The following FOXQ1 variants were observed in gnomAD, a reference collection of about 807,000 sequenced individuals.
The protein encoded by FOXQ1 is forkhead box Q1.
In FOXQ1, 1 loss-of-function variant was observed where a neutral mutation model predicts 0.6. That is an observed-to-expected ratio of 1.73 (90% CI 0.61 to 8.20). The LOEUF (loss-of-function observed/expected upper bound fraction) is 8.20, where lower values mean the gene tolerates loss of function less well. Among genes scored for constraint, FOXQ1 ranks in the 30% most tolerant of loss-of-function variants. The probability of loss-of-function intolerance (pLI) is 0.13; values close to 1 mark genes in which losing one functional copy is unlikely to be tolerated. For synonymous variants in FOXQ1, 377 were observed against 294.4 expected (o/e 1.28, Z -2.87); for missense variants, 734 against 595.6 (o/e 1.23, Z -2.42).
Position 1,314,160 on chromosome 6 carries a change from T to C in FOXQ1, c.*244T>C, listed in dbSNP as rs1757604540. ...CTTGTTTTAGTTTCTTTGCGAAGCC[T>C]GCTCCTCCTTCCCTTCATAAGGACT... On this transcript the variant is annotated 3_prime_UTR_variant, in exon 1 of 1. Transcript: ENST00000296839. 3 of 436,960 alleles carry C rather than the reference T, an allele frequency of 6.9e-6. No homozygotes were observed. Among genetic ancestry groups the C allele is most frequent in the South Asian group, 1.2e-4 (1 of 8,486 alleles). The allele number at this position is 436,960 out of a possible 1,614,324, so 27.1% of individuals were successfully genotyped here.
Position 1,312,917 on chromosome 6 carries a change from G to A in FOXQ1, c.213G>A (p.Gly71=). 1 of 1,276,544 alleles carries A rather than the reference G, an allele frequency of 7.8e-7. No homozygotes were observed. The highest frequency in any genetic ancestry group is 1.6e-5 in the African/African-American group (1 of 64,476). The allele number at this position is 1,276,544 out of a possible 1,614,324, so 79.1% of individuals were successfully genotyped here. Reference sequence around the variant, plus strand: ...ACGGCGAACAGAGTGCGGGAGGCGGGCCGGGCGCGGAGGAGGCGATCCCGG... The same window carrying A: ...ACGGCGAACAGAGTGCGGGAGGCGGACCGGGCGCGGAGGAGGCGATCCCGG... The part of the protein sequence containing the change: ...QGDGEQSAGG[G]PGAEEAIPAA... The change falls in exon 1 of 1, where the codon GGG becomes GGA. Residue 71 remains glycine (G), a synonymous_variant. Coordinates refer to ENST00000296839, the MANE Select transcript of FOXQ1 (RefSeq NM_033260.4).
Position 1,312,374 on chromosome 6 carries a change from C to A in FOXQ1, c.-331C>A, listed in dbSNP as rs1172340953. On this transcript the variant is annotated 5_prime_UTR_variant, in exon 1 of 1. Transcript: ENST00000296839. ...TGCTTCTCTCCGGCAGGAAAGCCTTCTAAGCCCGGCGTGCTCGGGCACCCG... is the reference window on the plus strand; with the variant it reads ...TGCTTCTCTCCGGCAGGAAAGCCTTATAAGCCCGGCGTGCTCGGGCACCCG... The A allele has an allele frequency of 7.8e-6, 2 of 255,862 alleles. No individual in the cohort carries two copies. Among genetic ancestry groups the A allele is most frequent in the South Asian group, 1.7e-4 (1 of 5,808 alleles). The allele number at this position is 255,862 out of a possible 1,614,324, so 15.8% of individuals were successfully genotyped here.
chr6:1,313,555 G>C lies in FOXQ1; in HGVS notation c.851G>C (p.Arg284Pro). 1 of 1,260,264 alleles carries C rather than the reference G, an allele frequency of 7.9e-7. No individual in the cohort carries two copies. Among genetic ancestry groups the C allele is most frequent in the Non-Finnish European group, 1.0e-6 (1 of 983,794 alleles). 78.1% of individuals were successfully genotyped at this position (1,260,264 alleles called of 1,614,324 possible). ...DSILRKPFRSRRLRDTAPGTT... is the reference protein window; with the variant it reads ...DSILRKPFRSPRLRDTAPGTT... The stretch of plus-strand genomic sequence containing the variant: ...ATCCTGCGCAAGCCCTTCCGCAGCC[G>C]CCGCCTCAGGGACACGGCCCCCGGG... Residue 284 changes from arginine (R) to proline (P), a missense_variant, in exon 1 of 1, where the codon CGC becomes CCC. By Grantham distance (103) the Arg-to-Pro change is moderately radical (BLOSUM62 -2). Coordinates refer to ENST00000296839, the MANE Select transcript of FOXQ1 (RefSeq NM_033260.4). This position sits in a 1 kb window ranked among gnomAD's most constrained non-coding sequence, Gnocchi z 5.2.
In FOXQ1 at chr6:1,313,070, C is replaced by G; in HGVS notation, c.366C>G (p.Tyr122Ter). 1 of 1,604,860 alleles carries G rather than the reference C, an allele frequency of 6.2e-7. No homozygotes were observed. Among genetic ancestry groups the G allele is most frequent in the Non-Finnish European group, 8.5e-7 (1 of 1,175,936 alleles). ...ATACGCGGCGGCCCAAGCCCCCCTA[C>G]TCGTACATCGCGCTCATCGCCATGG... ...KPYTRRPKPPYSYIALIAMAI... is the reference protein window; with the variant it reads ...KPYTRRPKPP The change falls in exon 1 of 1, where the codon TAC becomes TAG. Residue 122 changes from tyrosine (Y) to a stop codon, truncating the protein, a stop_gained. Transcript: ENST00000296839. LOFTEE classifies it low-confidence loss of function (END_TRUNC). The surrounding 1 kb of genome is among the most constrained non-coding windows in gnomAD (Gnocchi z 5.2).
rs371897225 is a variant in FOXQ1 at position 1,313,332 on chromosome 6, C to A, written c.628C>A (p.Arg210Ser). The A allele has an allele frequency of 2.6e-6, 4 of 1,564,286 alleles. No individual in the cohort carries two copies. The highest frequency in any genetic ancestry group is 1.1e-5 in the South Asian group (1 of 86,962). ...GTACACCTTCGCCGACGGGGTCTTC[C>A]GCCGCCGCCGCAAGCGCCTCAGCCA... ...SEYTFADGVF[R>S]RRRKRLSHRA... The change falls in exon 1 of 1, where the codon CGC becomes AGC. Residue 210 changes from arginine (R) to serine (S), a missense_variant. Physicochemically the swap from Arg to Ser is moderately radical, Grantham distance 110. Transcript: ENST00000296839. This position sits in a 1 kb window ranked among gnomAD's most constrained non-coding sequence, Gnocchi z 5.2.
At position 1,312,946 on chromosome 6, in the gene FOXQ1, C is replaced by T; in HGVS notation, c.242C>T (p.Ala81Val). ...GGCGCGGAGGAGGCGATCCCGGCAGCAGCTGCTGCAGCGGTGGTGGCGGAG... is the reference window on the plus strand; with the variant it reads ...GGCGCGGAGGAGGCGATCCCGGCAGTAGCTGCTGCAGCGGTGGTGGCGGAG... ...GPGAEEAIPA[A>V]AAAAVVAEGA... is the part of the protein sequence containing the mutation. Residue 81 changes from alanine (A) to valine (V), a missense_variant, in exon 1 of 1, where the codon GCA becomes GTA. Coordinates refer to ENST00000296839, the MANE Select transcript of FOXQ1 (RefSeq NM_033260.4). 7.8e-7 allele frequency: 1 copy of T among 1,276,646 alleles called. No individual in the cohort carries two copies. Among genetic ancestry groups the T allele is most frequent in the African/African-American group, 1.6e-5 (1 of 64,212 alleles). 79.1% of individuals were successfully genotyped at this position (1,276,646 alleles called of 1,614,324 possible). A position where few individuals can be genotyped will look rare whatever the true frequency, so the allele number is the denominator to read the frequency against.
At position 1,312,933 on chromosome 6, in the gene FOXQ1, G is replaced by T; in HGVS notation, c.229G>T (p.Ala77Ser). Reference sequence around the variant, plus strand: ...GGGAGGCGGGCCGGGCGCGGAGGAGGCGATCCCGGCAGCAGCTGCTGCAGC... The same window carrying T: ...GGGAGGCGGGCCGGGCGCGGAGGAGTCGATCCCGGCAGCAGCTGCTGCAGC... ...SAGGGPGAEE[A>S]IPAAAAAAVV... Residue 77 changes from alanine to serine, a missense_variant, in exon 1 of 1, where the codon GCG becomes TCG. Coordinates refer to ENST00000296839, the MANE Select transcript of FOXQ1 (RefSeq NM_033260.4). The T allele has an allele frequency of 3.1e-6, 4 of 1,276,800 alleles. No individual in the cohort carries two copies. The highest frequency in any genetic ancestry group is 3.0e-6 in the Non-Finnish European group (3 of 1,014,954). 79.1% of individuals were successfully genotyped at this position (1,276,800 alleles called of 1,614,324 possible).
Position 1,312,282 on chromosome 6 carries a change from C to G in FOXQ1, c.-423C>G, listed in dbSNP as rs115029890. ...CATTTCCGTGCCCCGAAGACGCCCG[C>G]GCGGGACCTGGGACCGCCAGTGAAG... On this transcript the variant is annotated 5_prime_UTR_variant, in exon 1 of 1. Transcript: ENST00000296839. 1.2e-3 allele frequency among the ~76,000 whole-genome samples: 188 copies of G among 152,348 alleles called. No individual in the cohort carries two copies. Among genetic ancestry groups the G allele is most frequent in the African/African-American group, 4.2e-3 (173 of 41,592 alleles).
chr6:1,312,341 G>A lies in FOXQ1; in HGVS notation c.-364G>A, dbSNP rs1057059833. On this transcript the variant is annotated 5_prime_UTR_variant, in exon 1 of 1. An upstream start codon of the reference 5' UTR is lost. Transcript: ENST00000296839. The stretch of plus-strand genomic sequence containing the variant: ...CTGGGCTCTTTAACGAGCAGCAGAT[G>A]CGCATGCTGCTTCTCTCCGGCAGGA... 7 of 197,320 alleles carry A rather than the reference G, an allele frequency of 3.5e-5. No homozygotes were observed. Among genetic ancestry groups the A allele is most frequent in the Non-Finnish European group, 6.1e-5 (6 of 97,590 alleles). 12.2% of individuals were successfully genotyped at this position (197,320 alleles called of 1,614,324 possible). A position where few individuals can be genotyped will look rare whatever the true frequency, so the allele number is the denominator to read the frequency against.
In FOXQ1 at chr6:1,312,788, G is replaced by C; in HGVS notation, c.84G>C (p.Ala28=). The C allele has an allele frequency of 7.7e-7, 1 of 1,305,444 alleles. No homozygotes were observed. Among genetic ancestry groups the C allele is most frequent in the Non-Finnish European group, 9.7e-7 (1 of 1,028,930 alleles). 80.9% of individuals were successfully genotyped at this position (1,305,444 alleles called of 1,614,324 possible). A position where few individuals can be genotyped will look rare whatever the true frequency, so the allele number is the denominator to read the frequency against. The change falls in exon 1 of 1, where the codon GCG becomes GCC. Residue 28 remains alanine, a synonymous_variant. Transcript: ENST00000296839. ...TGGAGGGCGCGGGCGGCAGCGACGC[G>C]CCGTCCCCGCTGTCGGCGGCGGGAG... ...SDLEGAGGSD[A]PSPLSAAGDD...
chr6:1,313,919 A>G lies in FOXQ1; in HGVS notation c.*3A>G. On this transcript the variant is annotated 3_prime_UTR_variant, in exon 1 of 1. Transcript: ENST00000296839. This position sits in a 1 kb window ranked among gnomAD's most constrained non-coding sequence, Gnocchi z 5.2. ...CGGTGGAGACGCTCCTAGCCTGAGT[A>G]GCGCCGCGGGGCCCGGGAACGCCGA... 1 of 1,231,094 alleles carries G rather than the reference A, an allele frequency of 8.1e-7. No homozygotes were observed. The highest frequency in any genetic ancestry group is 1.0e-6 in the Non-Finnish European group (1 of 986,600). The allele number at this position is 1,231,094 out of a possible 1,614,324, so 76.3% of individuals were successfully genotyped here. A position where few individuals can be genotyped will look rare whatever the true frequency, so the allele number is the denominator to read the frequency against.
At position 1,312,786 on chromosome 6, in the gene FOXQ1, G is replaced by C. The variant is rs1757569142; in HGVS notation, c.82G>C (p.Ala28Pro). ...CCTGGAGGGCGCGGGCGGCAGCGAC[G>C]CGCCGTCCCCGCTGTCGGCGGCGGG... is the stretch of plus-strand genomic sequence containing the variant. ...SDLEGAGGSDAPSPLSAAGDD... is the reference protein window; with the variant it reads ...SDLEGAGGSDPPSPLSAAGDD... Residue 28 changes from alanine (A) to proline (P), a missense_variant, in exon 1 of 1, where the codon GCG (alanine) becomes CCG (proline). By Grantham distance (27) the Ala-to-Pro change is conservative. Transcript: ENST00000296839. The C allele has an allele frequency of 7.6e-7, 1 of 1,308,044 alleles. No individual in the cohort carries two copies. Among genetic ancestry groups the C allele is most frequent in the Non-Finnish European group, 9.7e-7 (1 of 1,030,428 alleles). The allele number at this position is 1,308,044 out of a possible 1,614,324, so 81.0% of individuals were successfully genotyped here. A position where few individuals can be genotyped will look rare whatever the true frequency, so the allele number is the denominator to read the frequency against.
Position 1,313,044 on chromosome 6 carries a change from T to A in FOXQ1, c.340T>A (p.Tyr114Asn). ...CGGCGAGGGTGCACGCAGCAAGCCA[T>A]ATACGCGGCGGCCCAAGCCCCCCTA... ...GSGEGARSKPYTRRPKPPYSY... is the reference protein window; with the variant it reads ...GSGEGARSKPNTRRPKPPYSY... Residue 114 changes from tyrosine to asparagine, a missense_variant, in exon 1 of 1, where the codon TAT (tyrosine) becomes AAT (asparagine). Tyr to Asn is a moderately radical substitution (Grantham distance 143, BLOSUM62 -2). Transcript: ENST00000296839. The surrounding 1 kb of genome is among the most constrained non-coding windows in gnomAD (Gnocchi z 5.2). 6.3e-7 allele frequency: 1 copy of A among 1,586,842 alleles called. No individual in the cohort carries two copies. Among genetic ancestry groups the A allele is most frequent in the Non-Finnish European group, 8.6e-7 (1 of 1,167,128 alleles).
In FOXQ1 at chr6:1,312,661, G is replaced by A. The variant is rs1368024602; in HGVS notation, c.-44G>A. 1 of 1,285,292 alleles carries A rather than the reference G, an allele frequency of 7.8e-7. No individual in the cohort carries two copies. Among genetic ancestry groups the A allele is most frequent in the Non-Finnish European group, 9.8e-7 (1 of 1,017,634 alleles). 79.6% of individuals were successfully genotyped at this position (1,285,292 alleles called of 1,614,324 possible). A position where few individuals can be genotyped will look rare whatever the true frequency, so the allele number is the denominator to read the frequency against. The stretch of plus-strand genomic sequence containing the variant: ...TGGCACCAGCTTCTCTAGGCTGCGC[G>A]AAGGAAGAGGGTACGACGCCGGGGA... On this transcript the variant is annotated 5_prime_UTR_variant, in exon 1 of 1. Transcript: ENST00000296839.
At position 1,313,667 on chromosome 6, in the gene FOXQ1, G is replaced by C; in HGVS notation, c.963G>C (p.Leu321=). The C allele has an allele frequency of 9.7e-7, 1 of 1,035,514 alleles. No homozygotes were observed. Among genetic ancestry groups the C allele is most frequent in the Non-Finnish European group, 1.2e-6 (1 of 865,434 alleles). The allele number at this position is 1,035,514 out of a possible 1,614,324, so 64.1% of individuals were successfully genotyped here. ...LLPAAPCRAL[L]PLCAYGAGEP... ...CCGCGGCGCCCTGCAGGGCCCTGCT[G>C]CCGCTCTGCGCGTACGGCGCGGGCG... The change falls in exon 1 of 1, where the codon CTG becomes CTC. Residue 321 remains leucine (L), a synonymous_variant. Transcript: ENST00000296839. This position sits in a 1 kb window ranked among gnomAD's most constrained non-coding sequence, Gnocchi z 5.2.
rs1488688722 is a variant in FOXQ1 at position 1,312,549 on chromosome 6, G to C, written c.-156G>C. 1 of 1,173,322 alleles carries C rather than the reference G, an allele frequency of 8.5e-7. No homozygotes were observed. The highest frequency in any genetic ancestry group is 1.6e-5 in the African/African-American group (1 of 62,938). The allele number at this position is 1,173,322 out of a possible 1,614,324, so 72.7% of individuals were successfully genotyped here. On this transcript the variant is annotated 5_prime_UTR_variant, in exon 1 of 1. Transcript: ENST00000296839. ...AAAAAGCCCAGCGGAAGAGGACTCC[G>C]GAAAAGTGACTATCTCGGAAGACCA...
rs762402334 is a variant in FOXQ1 at position 1,313,379 on chromosome 6, C to T, written c.675C>T (p.Pro225=). Residue 225 remains proline, a synonymous_variant, in exon 1 of 1, where the codon CCC becomes CCT. Coordinates refer to ENST00000296839, the MANE Select transcript of FOXQ1 (RefSeq NM_033260.4). The surrounding 1 kb of genome is among the most constrained non-coding windows in gnomAD (Gnocchi z 5.2). ...GCCACCGCGCGCCGGTCCCCGCGCC[C>T]GGGCTGCGGCCCGAGGAGGCCCCGG... ...RLSHRAPVPA[P]GLRPEEAPGL... The T allele has an allele frequency of 7.0e-7, 1 of 1,424,406 alleles. No homozygotes were observed. Among genetic ancestry groups the T allele is most frequent in the Admixed American group, 2.7e-5 (1 of 36,930 alleles). 88.2% of individuals were successfully genotyped at this position (1,424,406 alleles called of 1,614,324 possible).
Position 1,313,442 on chromosome 6 carries a change from G to C in FOXQ1, c.738G>C (p.Pro246=). The C allele has an allele frequency of 1.0e-6, 1 of 1,003,848 alleles. No homozygotes were observed. The highest frequency in any genetic ancestry group is 1.2e-6 in the Non-Finnish European group (1 of 846,158). The allele number at this position is 1,003,848 out of a possible 1,614,324, so 62.2% of individuals were successfully genotyped here. ...CCCCGCCGCCCGCGCCCGCCGCCCC[G>C]GCCTCGCCCCGCATGCGCTCGCCCG... ...PAAPPPAPAA[P]ASPRMRSPAR... Residue 246 remains proline (P), a synonymous_variant, in exon 1 of 1, where the codon CCG becomes CCC. Coordinates refer to ENST00000296839, the MANE Select transcript of FOXQ1 (RefSeq NM_033260.4). The surrounding 1 kb of genome is among the most constrained non-coding windows in gnomAD (Gnocchi z 5.2).
Position 1,313,505 on chromosome 6 carries a change from C to A in FOXQ1, c.801C>A (p.Phe267Leu). 2 of 1,230,418 alleles carry A rather than the reference C, an allele frequency of 1.6e-6. No individual in the cohort carries two copies. The highest frequency in any genetic ancestry group is 1.0e-6 in the Non-Finnish European group (1 of 963,692). 76.2% of individuals were successfully genotyped at this position (1,230,418 alleles called of 1,614,324 possible). Residue 267 changes from phenylalanine (F) to leucine (L), a missense_variant, in exon 1 of 1, where the codon TTC (phenylalanine) becomes TTA (leucine). Physicochemically the swap from Phe to Leu is conservative, Grantham distance 22. Coordinates refer to ENST00000296839, the MANE Select transcript of FOXQ1 (RefSeq NM_033260.4). The surrounding 1 kb of genome is among the most constrained non-coding windows in gnomAD (Gnocchi z 5.2). ...QEERASPAGK[F>L]SSSFAIDSIL... Reference sequence around the variant, plus strand: ...AGCGCGCCAGCCCCGCGGGCAAGTTCTCCAGCTCCTTCGCCATCGACAGCA... The same window carrying A: ...AGCGCGCCAGCCCCGCGGGCAAGTTATCCAGCTCCTTCGCCATCGACAGCA...
Sources: allele counts gnomAD v4.1 joint callset (sites outside exome capture counted in the v4.1 genomes callset), GRCh38; gene constraint gnomAD v4.1.1; non-coding constraint Gnocchi (gnomAD v3.1); transcripts MANE v1.5; gene names NCBI Gene and HGNC (gene_info 2026-07-23, HGNC 2026-07-21).